The following TTC28 variants were observed in gnomAD, a reference collection of about 807,000 sequenced individuals.
TTC28 encodes the protein tetratricopeptide repeat domain 28, also known as tetratricopeptide repeat protein 28.
Under a neutral mutation model 198.0 loss-of-function variants are expected in TTC28, and 61 were observed. The observed-to-expected ratio is 0.31, with a 90% confidence interval of 0.25 to 0.38. TTC28 has a LOEUF of 0.38. Ranked by LOEUF, TTC28 falls within the 10% of genes least tolerant of loss-of-function variation. The pLI, the probability that TTC28 is intolerant of heterozygous loss-of-function variation, is 1.00. For synonymous variants in TTC28, 1,171 were observed against 1,297.8 expected, an observed-to-expected ratio of 0.90 and a Z score of 2.10; for missense variants, 2,678 against 3,164.0, an observed-to-expected ratio of 0.85 and a Z score of 3.69.
chr22:28,495,730 C>G (rs2048445849), intron 2 of TTC28, among the ~76,000 whole-genome samples: 1 of 152,146 alleles, frequency 6.6e-6, no homozygotes, highest in East Asian at 1.9e-4. Context: ...TCAGAAGGCT[C>G]CAGCCCAGAG....
chr22:28,173,959 G>C (rs1922921737), intron 5 of TTC28, among the ~76,000 whole-genome samples: 2 of 152,054 alleles, frequency 1.3e-5, no homozygotes, highest in African/African-American at 4.8e-5. Context: ...CATGTCATTG[G>C]AAAAATGGGA....
Position 27,982,611 on chromosome 22 carries a change from T to TTCA in TTC28, c.7053_7055dup (p.Asp2351dup). 6.4e-7 allele frequency: 1 copy of TTCA among 1,551,716 alleles called. No homozygotes were observed. Among genetic ancestry groups the TTCA allele is most frequent in the Non-Finnish European group, 8.7e-7 (1 of 1,147,000 alleles). On this transcript the variant is annotated inframe_insertion, in exon 23 of 23. Coordinates refer to ENST00000397906, the MANE Select transcript of TTC28 (RefSeq NM_001145418.2). This position sits in a 1 kb window ranked among gnomAD's most constrained non-coding sequence, Gnocchi z 5.2. ...TCAGGTTATGGACAGCCTGCACCTT[T>TTCA]TCATCAATGGCTGCCATTTTCAGTT...
chr22:28,268,701 T>C (rs1931843618), intron 5 of TTC28, among the ~76,000 whole-genome samples: 1 of 152,222 alleles, frequency 6.6e-6, no homozygotes, highest in Admixed American at 6.5e-5. Context: ...GTCTAATTCC[T>C]ACTTTTTTCC....
intron 2 of TTC28, among the ~76,000 whole-genome samples, chr22:28,354,196 A>G (rs2046040942): frequency 1.3e-5 from 2 of 152,206 alleles, no homozygotes; most frequent in African/African-American, 4.8e-5. Flanking sequence ...AGCCCTCAAA[A>G]TTGAAACAGG....
At chr22:28,554,750 C>T (rs1170645441) in intron 2 of TTC28, among the ~76,000 whole-genome samples, 6 of 151,954 alleles carry the variant, frequency 3.9e-5, no homozygotes, top group Non-Finnish European at 8.8e-5. Context: ...ACACACCTGT[C>T]ATCCCAGCTA....
chr22:28,679,755 G>A lies in TTC28; in HGVS notation c.-32C>T, dbSNP rs376161403. ...GGGGCCCGGGCCGCGTCCGCCTCGA[G>A]CTAACGGTCCCGCCAGCTAGGCGCG... On this transcript the variant is annotated 5_prime_UTR_variant, in exon 1 of 23. Transcript: ENST00000397906. 8.7e-7 allele frequency: 1 copy of A among 1,142,974 alleles called. No homozygotes were observed. Among genetic ancestry groups the A allele is most frequent in the Non-Finnish European group, 1.1e-6 (1 of 916,078 alleles). 70.8% of individuals were successfully genotyped at this position (1,142,974 alleles called of 1,614,324 possible).
chr22:28,278,058 T>C (rs1189395896), intron 5 of TTC28, among the ~76,000 whole-genome samples: 1 of 152,146 alleles, frequency 6.6e-6, no homozygotes, highest in Non-Finnish European at 1.5e-5. Context: ...TTTCTCAGTC[T>C]TTTAATTTTG....
At chr22:28,672,312 C>T (rs1481689590) in intron 1 of TTC28, among the ~76,000 whole-genome samples, 3 of 152,220 alleles carry the variant, frequency 2.0e-5, no homozygotes, top group East Asian at 1.9e-4. Context: ...GGATTACAGG[C>T]GCCTGCCACC....
chr22:28,100,431 T>C (rs1345080948), intron 9 of TTC28, among the ~76,000 whole-genome samples: 1 of 152,250 alleles, frequency 6.6e-6, no homozygotes, highest in African/African-American at 2.4e-5. Flanking sequence ...ACACAGGTTT[T>C]ACTTTTTATA....
chr22:28,496,859 T>G (rs567544134), intron 2 of TTC28, among the ~76,000 whole-genome samples: 2 of 152,264 alleles, frequency 1.3e-5, no homozygotes, highest in East Asian at 3.9e-4. Flanking sequence ...GTCTAACCCT[T>G]GGTCCTCCTC....
At chr22:28,366,591 T>C (rs978000302) in intron 2 of TTC28, among the ~76,000 whole-genome samples, 1 of 152,030 alleles carries the variant, frequency 6.6e-6, no homozygotes, top group African/African-American at 2.4e-5. Flanking sequence ...TCCCTACTTA[T>C]CAATAATAAT....
At chr22:28,364,068 G>T (rs529238863) in intron 2 of TTC28, among the ~76,000 whole-genome samples, 77 of 152,274 alleles carry the variant, frequency 5.1e-4, no homozygotes, top group South Asian at 3.5e-3. Context: ...ATGAGACCTG[G>T]GAGGAATCAG....
chr22:28,629,306 TAAAA>T (rs892550921), intron 2 of TTC28: 2 of 450,028 alleles, frequency 4.4e-6, no homozygotes, highest in Admixed American at 7.9e-5. Flanking sequence ...GCGGCACAGA[TAAAA>T]AAAAATTTAA....
chr22:28,568,542 T>C (rs904604034), intron 2 of TTC28, among the ~76,000 whole-genome samples: 6 of 152,074 alleles, frequency 3.9e-5, no homozygotes, highest in Non-Finnish European at 5.9e-5. Flanking sequence ...TGTTCAAAAA[T>C]CAGCAGCATT....
intron 12 of TTC28, among the ~76,000 whole-genome samples, chr22:28,080,647 GTTAA>G (rs767514159): frequency 3.9e-5 from 6 of 152,230 alleles, no homozygotes; most frequent in Admixed American, 1.3e-4. Flanking sequence ...TTTTCAAAAT[GTTAA>G]TTATTTCCTT....
intron 2 of TTC28, among the ~76,000 whole-genome samples, chr22:28,505,962 T>C (rs987762841): frequency 2.6e-5 from 4 of 152,178 alleles, no homozygotes; most frequent in Non-Finnish European, 5.9e-5. Flanking sequence ...CCGGCTGGCT[T>C]TGGAGAATAC....
At chr22:28,090,577 A>G (rs1341235010) in intron 12 of TTC28, among the ~76,000 whole-genome samples, 1 of 152,202 alleles carries the variant, frequency 6.6e-6, no homozygotes, top group African/African-American at 2.4e-5. Context: ...TTTTGAGACC[A>G]AAGGGCATAA....
intron 5 of TTC28, among the ~76,000 whole-genome samples, chr22:28,212,257 G>A (rs1927039071): frequency 6.6e-6 from 1 of 151,800 alleles, no homozygotes; most frequent in Non-Finnish European, 1.5e-5. Context: ...GCTAACAGAA[G>A]GCAAGAAATA....
chr22:28,103,299 G>C (rs1288245010), intron 8 of TTC28, among the ~76,000 whole-genome samples: 1 of 152,206 alleles, frequency 6.6e-6, no homozygotes, highest in Non-Finnish European at 1.5e-5. Context: ...TTTGCAAGAA[G>C]AGGAAGGGCT....
Sources: gnomAD v4.1 joint callset for allele counts (sites outside exome capture counted in the v4.1 genomes callset) on GRCh38, gnomAD v4.1.1 for gene constraint, Gnocchi (gnomAD v3.1) non-coding constraint, MANE v1.5 for transcripts, NCBI Gene and HGNC (gene_info 2026-07-23, HGNC 2026-07-21) for gene names.